Variants in KATNBL1 observed in about 807,000 individuals in gnomAD.
KATNBL1 encodes katanin regulatory subunit B1 like 1, also known as KATNB1-like protein 1.
In KATNBL1, 28 loss-of-function variants were observed where a neutral mutation model predicts 44.7. That is an observed-to-expected ratio of 0.63 (90% CI 0.46 to 0.86). KATNBL1 has a LOEUF of 0.86. KATNBL1 is among the 40% of genes least tolerant of loss of function. KATNBL1 has a pLI of 0.00. For missense variants in KATNBL1, 272 were observed against 350.7 expected (o/e 0.78, Z 1.79); for synonymous variants, 78 against 114.9 (o/e 0.68, Z 2.06).
At chr15:34,196,366 C>T (rs548645965) in intron 1 of KATNBL1, among the ~76,000 whole-genome samples, 2 of 151,592 alleles carry the variant, frequency 1.3e-5, no homozygotes, top group African/African-American at 2.4e-5. Context: ...TGCAGTGAGT[C>T]GAGACTGCAT....
At chr15:34,190,060 TCAGCCTCCTGAGTAGCTGGGACTA>T (rs1567535428) in intron 1 of KATNBL1, among the ~76,000 whole-genome samples, 1 of 151,972 alleles carries the variant, frequency 6.6e-6, no homozygotes, top group Non-Finnish European at 1.5e-5. Context: ...TTCTTCTGCC[TCAGCCTCCTGAGTAGCTGGGACTA>T]CAGGCGCCCG....
chr15:34,190,312 T>C (rs766356545), intron 1 of KATNBL1, among the ~76,000 whole-genome samples: 7 of 152,074 alleles, frequency 4.6e-5, no homozygotes, highest in African/African-American at 7.2e-5. Context: ...AGCCAATGAA[T>C]ATGAATAATG....
chr15:34,174,352 C>T (rs544049862), intron 1 of KATNBL1, among the ~76,000 whole-genome samples: 5 of 152,220 alleles, frequency 3.3e-5, no homozygotes, highest in African/African-American at 7.2e-5. Flanking sequence ...GAATGAGAAA[C>T]GTGTTTACGT....
At position 34,195,690 on chromosome 15, in the gene KATNBL1, C is replaced by CAAAAAAAAAAAAAAAAAAAAAAAAA. The variant is rs5811824; in HGVS notation, c.-15+14260_-15+14261insTTTTTTTTTTTTTTTTTTTTTTTTT. ...TGGGCAACAGAGAGAGACGCCATCT[C>CAAAAAAAAAAAAAAAAAAAAAAAAA]AAAAAAAAAAAAAACCCAAAAAACA... On this transcript the variant is annotated intron_variant, in intron 1 of 9. Coordinates refer to ENST00000256544, the MANE Select transcript of KATNBL1 (RefSeq NM_024713.3). Among the ~76,000 whole-genome samples the CAAAAAAAAAAAAAAAAAAAAAAAAA allele has an allele frequency of 7.0e-4, 78 of 111,356 alleles. 2 individuals carry two copies. The highest frequency in any genetic ancestry group is 2.6e-3 in the African/African-American group (71 of 27,280). 73.1% of individuals were successfully genotyped at this position (111,356 alleles called of 152,430 possible). A position where few individuals can be genotyped will look rare whatever the true frequency, so the allele number is the denominator to read the frequency against.
At chr15:34,142,444 G>C (rs995457374) in intron 9 of KATNBL1, 73 bp from the exon 10 acceptor site, 8 of 1,457,836 alleles carry the variant, frequency 5.5e-6, no homozygotes, top group Non-Finnish European at 7.3e-6. Flanking sequence ...ATTTTTTTTT[G>C]TTGTTGCTTA....
intron 1 of KATNBL1, among the ~76,000 whole-genome samples, chr15:34,172,412 A>G (rs965740523): frequency 3.3e-5 from 5 of 151,750 alleles, no homozygotes; most frequent in African/African-American, 1.2e-4. Flanking sequence ...TCCCGTCACC[A>G]TGCCTGGCTA....
At chr15:34,207,807 T>C (rs117533205) in intron 1 of KATNBL1, among the ~76,000 whole-genome samples, 1,551 of 152,176 alleles carry the variant, frequency 0.01, 22 homozygotes, top group Non-Finnish European at 0.018. Flanking sequence ...CTCGCTATGT[T>C]GCCTAGGCTG....
chr15:34,161,430 C>T (rs1450834130), intron 2 of KATNBL1, among the ~76,000 whole-genome samples: 1 of 152,208 alleles, frequency 6.6e-6, no homozygotes, highest in Non-Finnish European at 1.5e-5. Flanking sequence ...GAATCCCGGA[C>T]TGGCCCCCAA....
chr15:34,143,438 C>CT, intron 9 of KATNBL1, among the ~76,000 whole-genome samples: 1 of 152,122 alleles, frequency 6.6e-6, no homozygotes, highest in South Asian at 2.1e-4. Context: ...GCACTCCAGC[C>CT]TGGACGACAG....
intron 2 of KATNBL1, among the ~76,000 whole-genome samples, chr15:34,160,275 T>C (rs1198113178): frequency 6.6e-6 from 1 of 152,228 alleles, no homozygotes; most frequent in Non-Finnish European, 1.5e-5. Flanking sequence ...TCTGGCCCCA[T>C]GGATACTTTG....
intron 1 of KATNBL1, among the ~76,000 whole-genome samples, chr15:34,201,110 C>T (rs11857604): frequency 0.15 from 23,459 of 152,148 alleles, 1,954 homozygotes; most frequent in African/African-American, 0.21. Flanking sequence ...CCACCACACC[C>T]GGCCTCTTCC....
At chr15:34,158,138 T>G (rs886132004) in intron 2 of KATNBL1, among the ~76,000 whole-genome samples, 3 of 152,174 alleles carry the variant, frequency 2.0e-5, no homozygotes, top group Non-Finnish European at 4.4e-5. Context: ...TCATCCTAAA[T>G]ACTAGGCAAC....
chr15:34,145,277 T>C, intron 9 of KATNBL1, 121 bp downstream of exon 9: 1 of 1,432,050 alleles, frequency 7.0e-7, no homozygotes, highest in Non-Finnish European at 9.3e-7. Context: ...AATATGAAAT[T>C]GACTTTAGAC....
intron 1 of KATNBL1, among the ~76,000 whole-genome samples, chr15:34,177,636 A>AAAAAAAAAAAAG (rs1178620536): frequency 6.6e-6 from 1 of 150,810 alleles, no homozygotes; most frequent in African/African-American, 2.4e-5. Context: ...TCTGTCTTAA[A>AAAAAAAAAAAAG]AAAAAAAAGG....
At chr15:34,190,409 C>T (rs892292787) in intron 1 of KATNBL1, among the ~76,000 whole-genome samples, 2 of 152,166 alleles carry the variant, frequency 1.3e-5, no homozygotes, top group Admixed American at 1.3e-4. Flanking sequence ...TGAAGCATCC[C>T]AGAATACACC....
chr15:34,180,515 T>C (rs538730278), intron 1 of KATNBL1, among the ~76,000 whole-genome samples: 1 of 152,312 alleles, frequency 6.6e-6, no homozygotes, highest in South Asian at 2.1e-4. Flanking sequence ...TCTACTGAAA[T>C]TGAAGAAATA....
chr15:34,175,771 C>G (rs1889311724), intron 1 of KATNBL1, among the ~76,000 whole-genome samples: 1 of 152,158 alleles, frequency 6.6e-6, no homozygotes, highest in Non-Finnish European at 1.5e-5. Context: ...AATGTATTTT[C>G]CAAATATTAC....
At chr15:34,145,312 G>T in intron 9 of KATNBL1, 86 bp downstream of exon 9, 1 of 1,308,274 alleles carries the variant, frequency 7.6e-7, no homozygotes. Context: ...ATATTATTTT[G>T]CCTAGAGACT....
rs373985426 is a variant in KATNBL1 at position 34,207,374 on chromosome 15, A to C, written c.-15+2577T>G. ...CAGGCGTGTGACACCACGCCCAGCTAATTTTTTGTATTTTAAGTAGAGACA... is the reference window on the plus strand; with the variant it reads ...CAGGCGTGTGACACCACGCCCAGCTCATTTTTTGTATTTTAAGTAGAGACA... On this transcript the variant is annotated intron_variant, in intron 1 of 9. Coordinates refer to ENST00000256544, the MANE Select transcript of KATNBL1 (RefSeq NM_024713.3). 3.9e-4 allele frequency among the ~76,000 whole-genome samples: 59 copies of C among 151,992 alleles called. 1 individual carries two copies. The highest frequency in any genetic ancestry group is 1.3e-3 in the African/African-American group (54 of 41,478).
Sources: gnomAD v4.1 joint callset for allele counts (sites outside exome capture counted in the v4.1 genomes callset) on GRCh38, gnomAD v4.1.1 for gene constraint, MANE v1.5 for transcripts, NCBI Gene and HGNC (gene_info 2026-07-23, HGNC 2026-07-21) for gene names.